Variants in ASCC1 observed in about 807,000 individuals in gnomAD.
The protein encoded by ASCC1 is activating signal cointegrator 1 complex subunit 1, also known as ASC-1 complex subunit P50.
Under a neutral mutation model 46.6 loss-of-function variants are expected in ASCC1, and 35 were observed. That is an observed-to-expected ratio of 0.75 (90% CI 0.57 to 0.99). ASCC1 has a LOEUF of 0.99. Among genes scored for constraint, ASCC1 ranks in the 50% least tolerant of loss-of-function variants. The probability of loss-of-function intolerance (pLI) is 0.00; values close to 1 mark genes in which losing one functional copy is unlikely to be tolerated. For missense variants in ASCC1, 376 were observed against 428.7 expected, an observed-to-expected ratio of 0.88 and a Z score of 1.09; for synonymous variants, 143 against 146.6, an observed-to-expected ratio of 0.98 and a Z score of 0.18.
intron 5 of ASCC1, among the ~76,000 whole-genome samples, chr10:72,189,171 C>T (rs191744581): frequency 6.6e-6 from 1 of 151,502 alleles, no homozygotes; most frequent in African/African-American, 2.4e-5. Flanking sequence ...GAGGCCGAGG[C>T]GGGCGGATCA....
At chr10:72,203,719 G>C (rs1856818062) in intron 3 of ASCC1, among the ~76,000 whole-genome samples, 195 bp from the exon 4 acceptor site, 1 of 152,194 alleles carries the variant, frequency 6.6e-6, no homozygotes, top group Admixed American at 6.5e-5. Context: ...GCAAAGATGA[G>C]TTTTTGGCCC....
chr10:72,216,105 T>G (rs988139750), intron 1 of ASCC1, 102 bp downstream of exon 1: 23 of 151,876 alleles, frequency 1.5e-4, no homozygotes, highest in Admixed American at 5.2e-4. Context: ...GTCCTGGGGG[T>G]GGGGCTGTAG....
chr10:72,171,994 C>A (rs965416550), intron 5 of ASCC1, among the ~76,000 whole-genome samples: 1 of 152,136 alleles, frequency 6.6e-6, no homozygotes, highest in Admixed American at 6.6e-5. Context: ...AAAGGCAAGA[C>A]AAGGAAGTCT....
At chr10:72,101,293 T>C (rs1841728475) in intron 9 of ASCC1, among the ~76,000 whole-genome samples, 1 of 152,096 alleles carries the variant, frequency 6.6e-6, no homozygotes, top group South Asian at 2.1e-4. Flanking sequence ...TCTACTTTAA[T>C]GAAAAAAGCT....
intron 9 of ASCC1, among the ~76,000 whole-genome samples, chr10:72,099,583 G>A (rs903336593): frequency 1.3e-5 from 2 of 152,228 alleles, no homozygotes. Flanking sequence ...CACTTTGAGA[G>A]GCTGAGGCAG....
At chr10:72,207,331 T>C (rs1382390950) in intron 3 of ASCC1, among the ~76,000 whole-genome samples, 6 of 152,174 alleles carry the variant, frequency 3.9e-5, no homozygotes, top group African/African-American at 1.4e-4. Flanking sequence ...GGAGAATCAC[T>C]TAAACCAGGG....
chr10:72,189,725 C>T (rs1239681049), intron 5 of ASCC1, among the ~76,000 whole-genome samples: 1 of 144,220 alleles, frequency 6.9e-6, no homozygotes, highest in Non-Finnish European at 1.5e-5. Context: ...TCGCTTGAAT[C>T]TGGGAGGCGG....
At chr10:72,111,514 A>G (rs1428043169) in intron 9 of ASCC1, among the ~76,000 whole-genome samples, 2 of 152,154 alleles carry the variant, frequency 1.3e-5, no homozygotes, top group Non-Finnish European at 2.9e-5. Context: ...GTTTTAACCT[A>G]CAACTGAGAG....
intron 9 of ASCC1, among the ~76,000 whole-genome samples, chr10:72,099,631 C>A (rs1678612): frequency 0.54 from 82,497 of 151,920 alleles, 24,826 homozygotes; most frequent in African/African-American, 0.82. Context: ...GACCAGCCTG[C>A]CCTACATGGA....
Position 72,213,287 on chromosome 10 carries a change from C to G in ASCC1, c.12G>C (p.Leu4=), listed in dbSNP as rs1227302588. The stretch of plus-strand genomic sequence containing the variant: ...CATCAATTCTTATAAGCTGTGGACG[C>G]AGAACTTCCATGACACTTTCTCCAA... MEV[L]RPQLIRIDGR... Residue 4 remains leucine, a synonymous_variant, in exon 2 of 10, where the codon CTG becomes CTC. Coordinates refer to ENST00000672957, the MANE Select transcript of ASCC1 (RefSeq NM_001198800.3). 1 of 1,612,328 alleles carries G rather than the reference C, an allele frequency of 6.2e-7. No individual in the cohort carries two copies.
intron 7 of ASCC1, among the ~76,000 whole-genome samples, chr10:72,136,670 G>T (rs576030887): frequency 6.6e-6 from 1 of 152,302 alleles, no homozygotes; most frequent in East Asian, 1.9e-4. Flanking sequence ...TGCTGTGGAA[G>T]CTTTGTTCTT....
intron 1 of ASCC1, among the ~76,000 whole-genome samples, chr10:72,213,636 A>C (rs1292212629): frequency 6.6e-6 from 1 of 150,508 alleles, no homozygotes; most frequent in Admixed American, 6.6e-5. Flanking sequence ...GGAGGGGAGC[A>C]GTGGTTCACA....
chr10:72,205,086 T>A (rs1029319975), intron 3 of ASCC1, among the ~76,000 whole-genome samples: 3 of 152,218 alleles, frequency 2.0e-5, no homozygotes, highest in African/African-American at 4.8e-5. Context: ...CGCAGAAGGA[T>A]CCCTTAAGCC....
intron 7 of ASCC1, among the ~76,000 whole-genome samples, chr10:72,142,037 T>C (rs1048362842): frequency 6.6e-5 from 10 of 152,232 alleles, no homozygotes; most frequent in African/African-American, 1.9e-4. Context: ...ATGATAAATG[T>C]AGGCAACCCT....
chr10:72,186,976 T>C (rs1853555625), intron 5 of ASCC1, among the ~76,000 whole-genome samples: 1 of 151,050 alleles, frequency 6.6e-6, no homozygotes, highest in South Asian at 2.1e-4. Flanking sequence ...GACTAACTTA[T>C]TACACATCTG....
At position 72,122,481 on chromosome 10, in the gene ASCC1, C is replaced by A. The variant is rs1461147043; in HGVS notation, c.957+5601G>T. ...CACACACTTCTAACCAACAAAAAGA[C>A]CTTAGCTACCACACCCTTAGCTGGG... On this transcript the variant is annotated intron_variant, in intron 9 of 9. Transcript: ENST00000672957. Among the ~76,000 whole-genome samples, 3 of 150,978 alleles carry A rather than the reference C, an allele frequency of 2.0e-5. No individual in the cohort carries two copies. In the East Asian group the frequency reaches 5.8e-4, roughly 29 times the overall value.
intron 7 of ASCC1, chr10:72,133,383 G>A (rs1845826697): frequency 1.7e-6 from 1 of 583,860 alleles, no homozygotes; most frequent in Non-Finnish European, 3.1e-6. Context: ...ACAGATAGTA[G>A]AAATAAATGA....
intron 5 of ASCC1, among the ~76,000 whole-genome samples, chr10:72,173,605 A>T (rs1251967422): frequency 6.6e-6 from 1 of 152,170 alleles, no homozygotes; most frequent in Non-Finnish European, 1.5e-5. Context: ...ATGAATGGAG[A>T]AACGCTCTAA....
At chr10:72,207,022 G>A (rs999412481) in intron 3 of ASCC1, among the ~76,000 whole-genome samples, 2 of 152,118 alleles carry the variant, frequency 1.3e-5, no homozygotes, top group African/African-American at 4.8e-5. Flanking sequence ...CAACAGGTGT[G>A]CGGCATGACA....
Sources: gnomAD v4.1 joint callset for allele counts (sites outside exome capture counted in the v4.1 genomes callset) on GRCh38, gnomAD v4.1.1 for gene constraint, MANE v1.5 for transcripts, NCBI Gene and HGNC (gene_info 2026-07-23, HGNC 2026-07-21) for gene names.